The following SV2B variants were observed in gnomAD, a reference collection of about 807,000 sequenced individuals.
SV2B encodes the protein solute carrier family 22 member B2.
Under a neutral mutation model 73.9 loss-of-function variants are expected in SV2B, and 41 were observed. That is an observed-to-expected ratio of 0.56 (90% CI 0.43 to 0.72). The LOEUF (loss-of-function observed/expected upper bound fraction) is 0.72. Among genes scored for constraint, SV2B ranks in the 30% least tolerant of loss-of-function variants. SV2B has a pLI of 0.00. For synonymous variants in SV2B, 314 were observed against 314.2 expected (o/e 1.00, Z 0.01); for missense variants, 764 against 857.8 (o/e 0.89, Z 1.37).
rs773643063 is a variant in SV2B, at chr15:91,280,119, G to C, written c.1374-1609G>C. Among the ~76,000 whole-genome samples the C allele has an allele frequency of 1.1e-3, 169 of 152,216 alleles. 2 individuals carry two copies. Among genetic ancestry groups the C allele is most frequent in the Non-Finnish European group, 2.6e-4 (18 of 68,038 alleles). On this transcript the variant is annotated intron_variant, in intron 9 of 12. Coordinates refer to ENST00000394232, the MANE Select transcript of SV2B (RefSeq NM_001323032.3). This position sits in a 1 kb window ranked among gnomAD's most constrained non-coding sequence, Gnocchi z 5.8. ...TAACCTCAAGTTTATTCTGATGCAAGTGGTCTGGGGTCCTGCTTTTGGTGA... is the reference window on the plus strand; with the variant it reads ...TAACCTCAAGTTTATTCTGATGCAACTGGTCTGGGGTCCTGCTTTTGGTGA...
At chr15:91,259,908 T>C (rs974150617) in intron 5 of SV2B, among the ~76,000 whole-genome samples, 1 of 152,230 alleles carries the variant, frequency 6.6e-6, no homozygotes, top group African/African-American at 2.4e-5. Flanking sequence ...AGTCACTCTC[T>C]GTGGTACTGG....
At chr15:91,138,851 A>G (rs1273711804) in intron 1 of SV2B, among the ~76,000 whole-genome samples, 2 of 152,202 alleles carry the variant, frequency 1.3e-5, no homozygotes, top group African/African-American at 2.4e-5. Flanking sequence ...AGGACAAACT[A>G]TCTGGTTTCA....
chr15:91,175,617 G>A (rs1015235307), intron 1 of SV2B, among the ~76,000 whole-genome samples: 4 of 151,926 alleles, frequency 2.6e-5, no homozygotes, highest in South Asian at 2.1e-4. Flanking sequence ...ACCTAGAAAC[G>A]TGTTAAGTAT....
At position 91,168,301 on chromosome 15, in the gene SV2B, C is replaced by CGAGAGAGAGAGAGAGAGAGAGA. The variant is rs113991291; in HGVS notation, c.-391-57563_-391-57542dup. Among the ~76,000 whole-genome samples the CGAGAGAGAGAGAGAGAGAGAGA allele has an allele frequency of 6.4e-3, 884 of 137,228 alleles. 11 individuals are homozygous for CGAGAGAGAGAGAGAGAGAGAGA. Among genetic ancestry groups the CGAGAGAGAGAGAGAGAGAGAGA allele is most frequent in the Middle Eastern group, 0.011 (3 of 278 alleles). 90.0% of individuals were successfully genotyped at this position (137,228 alleles called of 152,430 possible). A position where few individuals can be genotyped will look rare whatever the true frequency, so the allele number is the denominator to read the frequency against. On this transcript the variant is annotated intron_variant, in intron 1 of 12. Transcript: ENST00000394232. The stretch of plus-strand genomic sequence containing the variant: ...TACCTTTGGGCAAAATGGTGAGATA[C>CGAGAGAGAGAGAGAGAGAGAGA]GAGAGAGAGAGAGAGAGAGAGAGAG...
intron 1 of SV2B, among the ~76,000 whole-genome samples, chr15:91,143,192 T>C (rs986118511): frequency 4.6e-5 from 7 of 152,160 alleles, no homozygotes; most frequent in African/African-American, 1.7e-4. Flanking sequence ...GAATTTGGAT[T>C]TGGATGGGAG....
At chr15:91,254,897 T>G (rs2047627806) in intron 4 of SV2B, among the ~76,000 whole-genome samples, 1 of 152,202 alleles carries the variant, frequency 6.6e-6, no homozygotes, top group African/African-American at 2.4e-5. Context: ...GCCCTCACAC[T>G]TGACCAATGA....
At chr15:91,108,129 G>A (rs2041940469) in intron 1 of SV2B, among the ~76,000 whole-genome samples, 1 of 152,188 alleles carries the variant, frequency 6.6e-6, no homozygotes, top group Non-Finnish European at 1.5e-5. Flanking sequence ...CATACCAGCT[G>A]AAGGACTTAA....
chr15:91,289,801 C>G lies in SV2B; in HGVS notation c.1868+121C>G. 8.7e-7 allele frequency: 1 copy of G among 1,148,136 alleles called. No individual in the cohort carries two copies. The highest frequency in any genetic ancestry group is 1.2e-6 in the Non-Finnish European group (1 of 826,052). The allele number at this position is 1,148,136 out of a possible 1,614,324, so 71.1% of individuals were successfully genotyped here. A position where few individuals can be genotyped will look rare whatever the true frequency, so the allele number is the denominator to read the frequency against. On this transcript the variant is annotated intron_variant, in intron 12 of 12. Transcript: ENST00000394232. This position sits in a 1 kb window ranked among gnomAD's most constrained non-coding sequence, Gnocchi z 4.9. ...GTGGTCTTTCTGCTGTTCCGTGAAACAAACATCTTTTATGTTGAGCTTCTC... is the reference window on the plus strand; with the variant it reads ...GTGGTCTTTCTGCTGTTCCGTGAAAGAAACATCTTTTATGTTGAGCTTCTC...
chr15:91,141,944 T>C lies in SV2B; in HGVS notation c.-392+41581T>C, dbSNP rs2043009255. Among the ~76,000 whole-genome samples the C allele has an allele frequency of 6.6e-6, 1 of 152,098 alleles. No individual in the cohort carries two copies. ...TCAGAGCAAGGATCCTCAGAGCTCC[T>C]GAGCAGAGGAATGGCACAAAGAGAG... On this transcript the variant is annotated intron_variant, in intron 1 of 12. Coordinates refer to ENST00000394232, the MANE Select transcript of SV2B (RefSeq NM_001323032.3). The surrounding 1 kb of genome is among the most constrained non-coding windows in gnomAD (Gnocchi z 4.6).
At chr15:91,164,791 A>G (rs971531197) in intron 1 of SV2B, among the ~76,000 whole-genome samples, 1 of 152,236 alleles carries the variant, frequency 6.6e-6, no homozygotes, top group Non-Finnish European at 1.5e-5. Flanking sequence ...ACACATATAG[A>G]TATGCTGACA....
chr15:91,112,267 C>T (rs1401041039), intron 1 of SV2B, among the ~76,000 whole-genome samples: 1 of 152,150 alleles, frequency 6.6e-6, no homozygotes, highest in African/African-American at 2.4e-5. Flanking sequence ...GCTCGAGAAC[C>T]ATGGTGATAC....
intron 1 of SV2B, among the ~76,000 whole-genome samples, chr15:91,212,719 C>T (rs943941758): frequency 2.4e-4 from 37 of 151,222 alleles, no homozygotes; most frequent in African/African-American, 9.0e-4. Context: ...TTTGGGAGGC[C>T]GAGGTAGGAG....
chr15:91,185,844 G>A (rs1024365350), intron 1 of SV2B, among the ~76,000 whole-genome samples: 3 of 152,176 alleles, frequency 2.0e-5, no homozygotes, highest in Non-Finnish European at 4.4e-5. Flanking sequence ...AGGTCATGTT[G>A]TTGTGGACTA....
In SV2B at chr15:91,281,905, C is replaced by G. The variant is rs1193344982; in HGVS notation, c.1507+44C>G. 16 of 1,554,412 alleles carry G rather than the reference C, an allele frequency of 1.0e-5. No individual in the cohort carries two copies. The highest frequency in any genetic ancestry group is 1.2e-5 in the Non-Finnish European group (14 of 1,143,468). On this transcript the variant is annotated intron_variant, in intron 10 of 12. Transcript: ENST00000394232. This position sits in a 1 kb window ranked among gnomAD's most constrained non-coding sequence, Gnocchi z 4.7. The stretch of plus-strand genomic sequence containing the variant: ...AGATTGAATAGAAAGTAACAGGAGA[C>G]AACTTGTGTTGTCCAAGAATCAAAA...
At chr15:91,273,969 A>G (rs1454051453) in intron 9 of SV2B, among the ~76,000 whole-genome samples, 1 of 152,204 alleles carries the variant, frequency 6.6e-6, no homozygotes, top group Non-Finnish European at 1.5e-5. Context: ...GTATAGATAT[A>G]TAATTATTAT....
rs919020440 is a variant in SV2B at position 91,214,238 on chromosome 15, A to G, written c.-391-11635A>G. Reference sequence around the variant, plus strand: ...TCAGGGCAGGGTTCCAGCAGAGTGGAAGTGCTAAAAAACCAGAGGGTCTCA... The same window carrying G: ...TCAGGGCAGGGTTCCAGCAGAGTGGGAGTGCTAAAAAACCAGAGGGTCTCA... On this transcript the variant is annotated intron_variant, in intron 1 of 12. Transcript: ENST00000394232. This position sits in a 1 kb window ranked among gnomAD's most constrained non-coding sequence, Gnocchi z 4.7. Among the ~76,000 whole-genome samples the G allele has an allele frequency of 1.3e-5, 2 of 152,096 alleles. No homozygotes were observed. The highest frequency in any genetic ancestry group is 4.8e-5 in the African/African-American group (2 of 41,422).
At position 91,240,868 on chromosome 15, in the gene SV2B, C is replaced by T. The variant is rs568070471; in HGVS notation, c.452-10951C>T. ...AGCCTCAGATGAGTGCTCTTGGCCC[C>T]GTCACAGCCTCCACTCTTGTACCAT... On this transcript the variant is annotated intron_variant, in intron 2 of 12. Coordinates refer to ENST00000394232, the MANE Select transcript of SV2B (RefSeq NM_001323032.3). This position sits in a 1 kb window ranked among gnomAD's most constrained non-coding sequence, Gnocchi z 4.6. Among the ~76,000 whole-genome samples the T allele has an allele frequency of 1.3e-5, 2 of 152,200 alleles. No homozygotes were observed. The highest frequency in any genetic ancestry group is 2.1e-4 in the South Asian group (1 of 4,834).
chr15:91,235,557 A>G (rs1379838013), intron 2 of SV2B, among the ~76,000 whole-genome samples: 1 of 152,204 alleles, frequency 6.6e-6, no homozygotes, highest in Non-Finnish European at 1.5e-5. Context: ...GGGTTAAAAA[A>G]AAAATCTCTC....
At chr15:91,174,780 C>A (rs1467903549) in intron 1 of SV2B, among the ~76,000 whole-genome samples, 1 of 152,204 alleles carries the variant, frequency 6.6e-6, no homozygotes, top group Non-Finnish European at 1.5e-5. Context: ...TCAGGCCACT[C>A]CTGGATGGGC....
Sources: allele counts gnomAD v4.1 joint callset (sites outside exome capture counted in the v4.1 genomes callset), GRCh38; gene constraint gnomAD v4.1.1; non-coding constraint Gnocchi (gnomAD v3.1); transcripts MANE v1.5; gene names NCBI Gene and HGNC (gene_info 2026-07-23, HGNC 2026-07-21).